Variants in ZNF215 observed in about 807,000 individuals in gnomAD.
ZNF215 encodes the protein BWSCR2-associated zinc finger protein 2.
A neutral mutation model predicts 27.2 loss-of-function variants in ZNF215; 24 were observed. The observed-to-expected ratio is 0.88, with a 90% CI of 0.64 to 1.24. The LOEUF (loss-of-function observed/expected upper bound fraction) is 1.24, where lower values mean the gene tolerates loss of function less well. Ranked by LOEUF, ZNF215 falls within the 50% of genes most tolerant of loss-of-function variation. The probability of loss-of-function intolerance (pLI) is 0.00; values close to 1 mark genes in which losing one functional copy is unlikely to be tolerated. For missense variants in ZNF215, 675 were observed against 605.7 expected (o/e 1.11, Z -1.20); for synonymous variants, 210 against 204.0 (o/e 1.03, Z -0.25).
intron 6 of ZNF215, among the ~76,000 whole-genome samples, chr11:6,945,917 T>C (rs564551503): frequency 6.6e-5 from 10 of 152,360 alleles, no homozygotes; most frequent in Non-Finnish European, 1.3e-4. Context: ...ATGACATTTC[T>C]CTGGGATATC....
downstream of ZNF215, chr11:6,988,227 T>C (rs2133364636): frequency 2.0e-6 from 2 of 985,456 alleles, no homozygotes; most frequent in South Asian, 4.7e-5. Context: ...GAGAACACAC[T>C]GAAGGAAGCA....
chr11:6,971,268 A>G (rs913527443), intron 5 of ZNF215, among the ~76,000 whole-genome samples: 2 of 152,208 alleles, frequency 1.3e-5, no homozygotes, highest in Admixed American at 6.5e-5. Flanking sequence ...ATGTGTAAGT[A>G]TAATCTAAAT....
At chr11:6,934,401 C>T (rs1849366526) in intron 3 of ZNF215, among the ~76,000 whole-genome samples, 2 of 152,110 alleles carry the variant, frequency 1.3e-5, no homozygotes, top group East Asian at 3.8e-4. Context: ...TCTATTGCTA[C>T]TATAATAAAT....
chr11:6,947,907 T>A (rs777276733), intron 6 of ZNF215, among the ~76,000 whole-genome samples: 1 of 152,220 alleles, frequency 6.6e-6, no homozygotes, highest in East Asian at 1.9e-4. Context: ...ACTGTTCTTA[T>A]GGGCCAGAGC....
chr11:6,975,881 G>C (rs983060011), intron 5 of ZNF215, among the ~76,000 whole-genome samples: 19 of 152,090 alleles, frequency 1.2e-4, no homozygotes, highest in African/African-American at 4.1e-4. Context: ...AGGATTGCTG[G>C]ATCAGATGAT....
intron 6 of ZNF215, among the ~76,000 whole-genome samples, chr11:6,952,154 G>C (rs780795144): frequency 3.3e-5 from 5 of 152,082 alleles, no homozygotes; most frequent in Non-Finnish European, 5.9e-5. Flanking sequence ...TTACTTCCAA[G>C]TATGTGGTCA....
chr11:6,987,112 T>C (rs1242913290), downstream of ZNF215, among the ~76,000 whole-genome samples: 1 of 152,084 alleles, frequency 6.6e-6, no homozygotes, highest in African/African-American at 2.4e-5. Context: ...CTATTCACAA[T>C]AGCAAAGACA....
intron 5 of ZNF215, among the ~76,000 whole-genome samples, chr11:6,971,608 T>C (rs535403965): frequency 6.6e-6 from 1 of 152,244 alleles, no homozygotes; most frequent in Non-Finnish European, 1.5e-5. Context: ...GTTCTTTGAG[T>C]ACATATCCAT....
At chr11:6,989,095 G>T (rs1851090880), downstream of ZNF215, among the ~76,000 whole-genome samples, 3 of 138,478 alleles carry the variant, frequency 2.2e-5, no homozygotes, top group Non-Finnish European at 4.5e-5. Flanking sequence ...GGCAGAGGTT[G>T]CAGTGAGCCC....
At chr11:6,989,483 A>T (rs189778646), downstream of ZNF215, among the ~76,000 whole-genome samples, 49 of 152,284 alleles carry the variant, frequency 3.2e-4, no homozygotes, top group Non-Finnish European at 1.2e-4. Flanking sequence ...CTAGATAGCC[A>T]CACCCACCCA....
chr11:6,940,372 A>C (rs1243668792), intron 3 of ZNF215, among the ~76,000 whole-genome samples: 2 of 152,122 alleles, frequency 1.3e-5, no homozygotes, highest in Non-Finnish European at 2.9e-5. Flanking sequence ...TGGTGCGAAC[A>C]CCACTCACTG....
intron 6 of ZNF215, among the ~76,000 whole-genome samples, chr11:6,955,201 TG>T (rs1409451784): frequency 6.6e-6 from 1 of 152,158 alleles, no homozygotes; most frequent in Non-Finnish European, 1.5e-5. Context: ...GTATGGAAAA[TG>T]GGGGCACTAT....
chr11:6,943,408 A>G, intron 5 of ZNF215, 138 bp from the exon 6 acceptor site: 4 of 1,084,900 alleles, frequency 3.7e-6, no homozygotes, highest in Non-Finnish European at 5.3e-6. Flanking sequence ...AGAGATACAC[A>G]AGTCTATGGT....
In ZNF215 at chr11:6,932,625, A is replaced by G. The variant is rs146670329; in HGVS notation, c.353A>G (p.Asp118Gly). 47 of 1,614,066 alleles carry G rather than the reference A, an allele frequency of 2.9e-5. No homozygotes were observed. In the East Asian group the frequency reaches 9.4e-4, roughly 32 times the overall value. The change falls in exon 3 of 7, where the codon GAT (aspartate) becomes GGT (glycine). Residue 118 changes from aspartate (D) to glycine (G), a missense_variant. Coordinates refer to ENST00000278319, the MANE Select transcript of ZNF215 (RefSeq NM_013250.4). Reference sequence around the variant, plus strand: ...TTACAACATCCAAACAACAGTAAAGATATGGTGACCCTCATAGAAGATGTG... The same window carrying G: ...TTACAACATCCAAACAACAGTAAAGGTATGGTGACCCTCATAGAAGATGTG... ...VNLQHPNNSK[D>G]MVTLIEDVIE... is the part of the protein sequence containing the mutation.
intron 5 of ZNF215, among the ~76,000 whole-genome samples, chr11:6,979,941 C>G (rs2133351837): frequency 6.6e-6 from 1 of 152,080 alleles, no homozygotes; most frequent in Admixed American, 6.6e-5. Flanking sequence ...TGTTTTTCAA[C>G]CAACTTCCTG....
At chr11:6,977,111 T>C (rs969654) in intron 5 of ZNF215, among the ~76,000 whole-genome samples, 149,554 of 152,156 alleles carry the variant, frequency 0.98, 73,553 homozygotes, top group South Asian at 1. Flanking sequence ...TGTGTTGAAG[T>C]CCTAATTCCA....
At chr11:6,982,257 C>G (rs1055042523) in intron 5 of ZNF215, among the ~76,000 whole-genome samples, 1 of 151,922 alleles carries the variant, frequency 6.6e-6, no homozygotes, top group African/African-American at 2.4e-5. Context: ...ATTCATAAAG[C>G]AAGTCCTGAG....
chr11:6,986,385 G>A (rs574038614), downstream of ZNF215, among the ~76,000 whole-genome samples: 26 of 152,074 alleles, frequency 1.7e-4, no homozygotes, highest in Non-Finnish European at 3.1e-4. Context: ...AACTCAAGAT[G>A]TATTAAAGAC....
chr11:6,975,867 C>T (rs1174115543), intron 5 of ZNF215, among the ~76,000 whole-genome samples: 2 of 152,062 alleles, frequency 1.3e-5, no homozygotes, highest in Non-Finnish European at 2.9e-5. Flanking sequence ...ACATATCCAA[C>T]AGTAGGATTG....
Sources: allele counts gnomAD v4.1 joint callset (sites outside exome capture counted in the v4.1 genomes callset), GRCh38; gene constraint gnomAD v4.1.1; transcripts MANE v1.5; gene names NCBI Gene and HGNC (gene_info 2026-07-23, HGNC 2026-07-21).